LITAF: variants seen among roughly 807,000 people sequenced by gnomAD.
LITAF encodes the protein lipopolysaccharide induced TNF factor.
A neutral mutation model predicts 14.5 loss-of-function variants in LITAF; 9 were observed. The ratio of observed to expected loss-of-function variants is 0.62; its 90% CI spans 0.37 to 1.08. The LOEUF (loss-of-function observed/expected upper bound fraction) is 1.08. Ranked by LOEUF, LITAF falls within the 50% of genes least tolerant of loss-of-function variation. The pLI is 0.01. For missense variants in LITAF, 206 were observed against 213.4 expected (o/e 0.97, Z 0.22); for synonymous variants, 98 against 88.2 (o/e 1.11, Z -0.62).
intron 1 of LITAF, among the ~76,000 whole-genome samples, chr16:11,580,320 T>C (rs2064712893): frequency 6.6e-6 from 1 of 151,886 alleles, no homozygotes; most frequent in Non-Finnish European, 1.5e-5. Context: ...TACAGTGGTG[T>C]GATCTCAGCT....
At position 11,556,686 on chromosome 16, in the gene LITAF, T is replaced by C. The variant is rs112192052; in HGVS notation, c.45A>G (p.Ser15=). The change falls in exon 2 of 4, where the codon TCA becomes TCG. Residue 15 remains serine, a synonymous_variant. Coordinates refer to ENST00000622633, the MANE Select transcript of LITAF (RefSeq NM_001136472.2). ...GPYQAATGPS[S]APSAPPSYEE... is the part of the protein sequence containing the mutation. ...CATAGGATGGAGGTGCGGATGGTGC[T>C]GAGGAAGGCCCAGTGGCCGCCTGGT... The C allele has an allele frequency of 3.6e-5, 58 of 1,614,198 alleles. 1 individual carries two copies. The Middle Eastern group carries it at 3.6e-3, about 101-fold the overall frequency.
At position 11,574,405 on chromosome 16, in the gene LITAF, C is replaced by G. The variant is rs141207477; in HGVS notation, c.-6+12481G>C. 3.6e-3 allele frequency among the ~76,000 whole-genome samples: 542 copies of G among 152,168 alleles called. 6 individuals are homozygous for G. Among genetic ancestry groups the G allele is most frequent in the African/African-American group, 0.012 (517 of 41,516 alleles). The stretch of plus-strand genomic sequence containing the variant: ...AGGCATACATAAGAAACTTAACGGT[C>G]GGTGTTTGTCGGGAAGGGAACCAGG... On this transcript the variant is annotated intron_variant, in intron 1 of 3. Transcript: ENST00000622633.
In LITAF at chr16:11,548,997, C is replaced by T. The variant is rs747040977; in HGVS notation, c.*640G>A. ...GATCCAGCCCTATTTTTCTAGCATGCATTTACGACCTTGTGGATATGTCTG... is the reference window on the plus strand; with the variant it reads ...GATCCAGCCCTATTTTTCTAGCATGTATTTACGACCTTGTGGATATGTCTG... On this transcript the variant is annotated 3_prime_UTR_variant, in exon 4 of 4. Coordinates refer to ENST00000622633, the MANE Select transcript of LITAF (RefSeq NM_001136472.2). 2 of 453,938 alleles carry T rather than the reference C, an allele frequency of 4.4e-6. No homozygotes were observed. The highest frequency in any genetic ancestry group is 3.1e-5 in the South Asian group (2 of 64,466). 28.1% of individuals were successfully genotyped at this position (453,938 alleles called of 1,614,324 possible).
chr16:11,581,483 C>T lies in LITAF; in HGVS notation c.-6+5403G>A, dbSNP rs8063189. On this transcript the variant is annotated intron_variant, in intron 1 of 3. Transcript: ENST00000622633. Reference sequence around the variant, plus strand: ...GTAACATGGCGAAACCCTGTCTCTACAACAAAAAACCACTAAAATTAGTGT... The same window carrying T: ...GTAACATGGCGAAACCCTGTCTCTATAACAAAAAACCACTAAAATTAGTGT... Among the ~76,000 whole-genome samples, 1,044 of 152,160 alleles carry T rather than the reference C, an allele frequency of 6.9e-3. 14 individuals carry two copies. Among genetic ancestry groups the T allele is most frequent in the African/African-American group, 0.024 (1,003 of 41,502 alleles).
chr16:11,619,510 T>C (rs1201121438), intron 3 of LITAF, among the ~76,000 whole-genome samples: 2 of 151,822 alleles, frequency 1.3e-5, no homozygotes, highest in African/African-American at 4.8e-5. Context: ...AGAAGCAAGC[T>C]GAGTATAATT....
At chr16:11,563,155 A>T (rs1015852490) in intron 1 of LITAF, among the ~76,000 whole-genome samples, 6 of 149,054 alleles carry the variant, frequency 4.0e-5, no homozygotes, top group South Asian at 2.1e-4. Context: ...AATAATAATA[A>T]TTTTTTTTTT....
chr16:11,576,554 A>AAAAAAGACAG (rs1555469756), intron 1 of LITAF, among the ~76,000 whole-genome samples: 2 of 116,642 alleles, frequency 1.7e-5, no homozygotes, highest in African/African-American at 6.7e-5. Context: ...AAAAAAAAAA[A>AAAAAAGACAG]AGAGAGAGAG....
chr16:11,563,519 T>C lies in LITAF; in HGVS notation c.-5-6784A>G, dbSNP rs375797767. Among the ~76,000 whole-genome samples the C allele has an allele frequency of 1.1e-3, 171 of 152,230 alleles. 2 individuals are homozygous for C. The South Asian group carries it at 0.034, about 31-fold the overall frequency. ...CTCAGTGGAAGCAACACATTTGAAC[T>C]CTGGAGGGATCACCTCTCTTTCTGC... On this transcript the variant is annotated intron_variant, in intron 1 of 3. Transcript: ENST00000622633.
chr16:11,563,231 C>T (rs1315264132), intron 1 of LITAF, among the ~76,000 whole-genome samples: 1 of 152,060 alleles, frequency 6.6e-6, no homozygotes, highest in Admixed American at 6.6e-5. Flanking sequence ...TCATGGCAAC[C>T]TCCGCTTCCC....
At chr16:11,582,858 A>C (rs1227449123) in intron 1 of LITAF, among the ~76,000 whole-genome samples, 1 of 152,238 alleles carries the variant, frequency 6.6e-6, no homozygotes, top group African/African-American at 2.4e-5. Context: ...TACACTTATT[A>C]AATTGAATAT....
chr16:11,573,980 G>A (rs1359566613), intron 1 of LITAF, among the ~76,000 whole-genome samples: 2 of 151,418 alleles, frequency 1.3e-5, no homozygotes, highest in Non-Finnish European at 2.9e-5. Context: ...GGGATTACAG[G>A]CATGAGCCAA....
chr16:11,559,049 A>C (rs1273227812), intron 1 of LITAF, among the ~76,000 whole-genome samples: 1 of 152,144 alleles, frequency 6.6e-6, no homozygotes, highest in African/African-American at 2.4e-5. Flanking sequence ...GGAGTTCAAG[A>C]CCAGCCTAGA....
At chr16:11,562,466 G>C (rs2064385273) in intron 1 of LITAF, among the ~76,000 whole-genome samples, 1 of 152,072 alleles carries the variant, frequency 6.6e-6, no homozygotes, top group African/African-American at 2.4e-5. Context: ...AGGCATTCCT[G>C]ATCCATGGAG....
At chr16:11,615,996 C>T (rs1416831052) in intron 3 of LITAF, among the ~76,000 whole-genome samples, 3 of 152,162 alleles carry the variant, frequency 2.0e-5, no homozygotes, top group Non-Finnish European at 4.4e-5. Flanking sequence ...TCAATTATGC[C>T]TACGTCACGA....
chr16:11,562,681 G>A (rs1260582871), intron 1 of LITAF, among the ~76,000 whole-genome samples: 3 of 152,184 alleles, frequency 2.0e-5, no homozygotes, highest in Non-Finnish European at 2.9e-5. Flanking sequence ...CAGATCACTT[G>A]AGCCCAAGAG....
intron 3 of LITAF, chr16:11,551,835 C>A: frequency 1.9e-6 from 1 of 540,522 alleles, no homozygotes; most frequent in East Asian, 3.3e-5. Flanking sequence ...CAGCCTCAAA[C>A]AAAACAAAAC....
Position 11,549,849 on chromosome 16 carries a change from C to T in LITAF, c.378-104G>A, listed in dbSNP as rs575880873. 375 of 913,066 alleles carry T rather than the reference C, an allele frequency of 4.1e-4. 7 individuals carry two copies. The South Asian group carries it at 5.0e-3, about 12-fold the overall frequency. 56.6% of individuals were successfully genotyped at this position (913,066 alleles called of 1,614,324 possible). ...TCCTTCTTTGTAAAAAGGGTCTTTG[C>T]CAGTATAATTAGGAATTTTGAGATG... On this transcript the variant is annotated intron_variant, in intron 3 of 3. Coordinates refer to ENST00000622633, the MANE Select transcript of LITAF (RefSeq NM_001136472.2). The surrounding 1 kb of genome is among the most constrained non-coding windows in gnomAD (Gnocchi z 4.6).
At chr16:11,570,106 G>C (rs2064519109) in intron 1 of LITAF, among the ~76,000 whole-genome samples, 1 of 152,064 alleles carries the variant, frequency 6.6e-6, no homozygotes, top group Middle Eastern at 3.4e-3. Flanking sequence ...TAAGACCCAG[G>C]CTCCTTGGTT....
At chr16:11,597,462 T>C (rs1354804774) in intron 1 of LITAF, among the ~76,000 whole-genome samples, 3 of 152,118 alleles carry the variant, frequency 2.0e-5, no homozygotes, top group Non-Finnish European at 1.5e-5. Flanking sequence ...AGCAACCCTA[T>C]AAGGGAAATA....
Sources: allele counts gnomAD v4.1 joint callset (sites outside exome capture counted in the v4.1 genomes callset), GRCh38; gene constraint gnomAD v4.1.1; non-coding constraint Gnocchi (gnomAD v3.1); transcripts MANE v1.5; gene names NCBI Gene and HGNC (gene_info 2026-07-23, HGNC 2026-07-21).